The following TIAM2 variants were observed in gnomAD, a reference collection of about 807,000 sequenced individuals.
The protein encoded by TIAM2 is TIAM Rac1 associated GEF 2.
In TIAM2, 80 loss-of-function variants were observed where a neutral mutation model predicts 152.9. The observed-to-expected ratio is 0.52, with a 90% CI of 0.44 to 0.63. The LOEUF (loss-of-function observed/expected upper bound fraction) is 0.63, where lower values mean the gene tolerates loss of function less well. Among genes scored for constraint, TIAM2 ranks in the 30% least tolerant of loss-of-function variants. TIAM2 has a pLI of 0.00. For missense variants in TIAM2, 1,965 were observed against 2,120.1 expected, an observed-to-expected ratio of 0.93 and a Z score of 1.44; for synonymous variants, 804 against 838.0, an observed-to-expected ratio of 0.96 and a Z score of 0.70.
intron 7 of TIAM2, 109 bp from the exon 8 acceptor site, chr6:155,164,306 A>G: frequency 9.6e-7 from 1 of 1,040,164 alleles, no homozygotes; most frequent in Non-Finnish European, 1.4e-6. Flanking sequence ...AACCATGCAG[A>G]CCAGCCGAAA....
rs575933239 is a variant in TIAM2 at position 155,067,889 on chromosome 6, G to A, written c.-208-22400G>A. ...ACTCCTGGGGTCAAGTGATCCACCC[G>A]TCTCGGTCTCCCAAAGTGCTGGGAA... On this transcript the variant is annotated intron_variant, in intron 1 of 26. Coordinates refer to ENST00000682666, the MANE Select transcript of TIAM2 (RefSeq NM_012454.4). 2.6e-5 allele frequency among the ~76,000 whole-genome samples: 4 copies of A among 152,204 alleles called. 1 individual carries two copies. Among genetic ancestry groups the A allele is most frequent in the South Asian group, 4.1e-4 (2 of 4,820 alleles).
rs990141220 is a variant in TIAM2 at position 155,137,182 on chromosome 6, G to A, written c.1200G>A (p.Pro400=). Residue 400 remains proline (P), a synonymous_variant, in exon 5 of 27, where the codon CCG becomes CCA. Coordinates refer to ENST00000682666, the MANE Select transcript of TIAM2 (RefSeq NM_012454.4). ...ATCATGTGTGTTTCTCACAGGAGCC[G>A]AGGTCCAAGGAGGGCAGTGACTACT... The part of the protein sequence containing the change: ...LSRKKRKLQE[P]RSKEGSDYFD... 6.8e-6 allele frequency: 11 copies of A among 1,611,572 alleles called. No homozygotes were observed. Among genetic ancestry groups the A allele is most frequent in the Middle Eastern group, 1.7e-4 (1 of 6,042 alleles).
intron 6 of TIAM2, among the ~76,000 whole-genome samples, chr6:155,146,597 T>A (rs1262786055): frequency 2.7e-5 from 4 of 149,702 alleles, no homozygotes; most frequent in Non-Finnish European, 5.9e-5. Context: ...AATGTATCAT[T>A]ATTATTATTA....
chr6:155,229,212 C>A (rs1245069312), intron 15 of TIAM2, among the ~76,000 whole-genome samples: 1 of 152,178 alleles, frequency 6.6e-6, no homozygotes, highest in African/African-American at 2.4e-5. Context: ...TGCCTTTTAT[C>A]CCTACACCCA....
rs544733774 is a variant in TIAM2 at position 155,230,080 on chromosome 6, C to T, written c.3169-10450C>T. On this transcript the variant is annotated intron_variant, in intron 15 of 26. Transcript: ENST00000682666. ...TATCACCAGGTGACACCTGTACCACCGAGAGTACAAATCCACCACATAGCC... is the reference window on the plus strand; with the variant it reads ...TATCACCAGGTGACACCTGTACCACTGAGAGTACAAATCCACCACATAGCC... Among the ~76,000 whole-genome samples the T allele has an allele frequency of 8.5e-5, 13 of 152,144 alleles. No individual in the cohort carries two copies. The South Asian group carries it at 1.3e-3, about 15-fold the overall frequency.
chr6:155,087,714 A>T (rs1028462816), intron 1 of TIAM2, among the ~76,000 whole-genome samples: 1 of 152,034 alleles, frequency 6.6e-6, no homozygotes, highest in Non-Finnish European at 1.5e-5. Context: ...GCGCCATTAC[A>T]CTCCAGCCTG....
chr6:155,032,829 C>G (rs1326890634), intron 1 of TIAM2, among the ~76,000 whole-genome samples: 1 of 152,156 alleles, frequency 6.6e-6, no homozygotes, highest in Non-Finnish European at 1.5e-5. Context: ...GCCTGGGCCA[C>G]GACGCCTGGC....
chr6:155,029,317 T>C (rs190850119), intron 1 of TIAM2, among the ~76,000 whole-genome samples: 8 of 104,890 alleles, frequency 7.6e-5, no homozygotes, highest in African/African-American at 2.1e-4. Flanking sequence ...GTGTTATATA[T>C]ACTATATGTA....
At chr6:155,104,682 G>T (rs531395301) in intron 2 of TIAM2, among the ~76,000 whole-genome samples, 9 of 151,660 alleles carry the variant, frequency 5.9e-5, no homozygotes, top group African/African-American at 1.9e-4. Context: ...GCTTGAACCC[G>T]GGAGGCGGAG....
intron 6 of TIAM2, among the ~76,000 whole-genome samples, chr6:155,146,809 G>A (rs1423355287): frequency 7.1e-6 from 1 of 140,490 alleles, no homozygotes; most frequent in Non-Finnish European, 1.5e-5. Context: ...AGTAGAAACT[G>A]TGTTTCACTA....
chr6:155,236,293 C>T (rs142011852), intron 15 of TIAM2, among the ~76,000 whole-genome samples: 2,529 of 151,908 alleles, frequency 0.017, 29 homozygotes, highest in Non-Finnish European at 0.03. Context: ...AAGCAGAACG[C>T]GAGCTGTATG....
At chr6:155,062,540 A>G (rs113697314) in intron 1 of TIAM2, among the ~76,000 whole-genome samples, 1,722 of 151,538 alleles carry the variant, frequency 0.011, 40 homozygotes, top group African/African-American at 0.04. Context: ...GTAAGTGTAT[A>G]GTAATATCTC....
intron 1 of TIAM2, among the ~76,000 whole-genome samples, chr6:155,023,328 G>T (rs895644509): frequency 1.3e-5 from 2 of 152,158 alleles, no homozygotes; most frequent in African/African-American, 4.8e-5. Context: ...CCACGAGGGC[G>T]GTTGTTGATG....
intron 1 of TIAM2, among the ~76,000 whole-genome samples, chr6:155,076,567 CTG>C (rs1470872230): frequency 6.6e-6 from 1 of 152,138 alleles, no homozygotes; most frequent in African/African-American, 2.4e-5. Flanking sequence ...AATTTGTTAA[CTG>C]AGAGAGGTGG....
intron 5 of TIAM2, among the ~76,000 whole-genome samples, chr6:155,137,951 C>T (rs1449270675): frequency 1.3e-5 from 2 of 152,160 alleles, no homozygotes; most frequent in Admixed American, 6.5e-5. Flanking sequence ...ATTCTCGTGC[C>T]TCAGCCTCCT....
intron 1 of TIAM2, among the ~76,000 whole-genome samples, chr6:155,013,229 C>T (rs891288049): frequency 3.3e-5 from 5 of 152,012 alleles, no homozygotes; most frequent in Non-Finnish European, 1.5e-5. Context: ...AGTCTGTGCT[C>T]CTGCAGGTGT....
chr6:155,237,349 C>T (rs999166150), intron 15 of TIAM2, among the ~76,000 whole-genome samples: 2 of 152,248 alleles, frequency 1.3e-5, no homozygotes, highest in Non-Finnish European at 2.9e-5. Context: ...TAGCCTCCCT[C>T]CTGGCTGCCT....
chr6:155,073,910 C>T (rs1395762076), intron 1 of TIAM2, among the ~76,000 whole-genome samples: 1 of 152,096 alleles, frequency 6.6e-6, no homozygotes, highest in Non-Finnish European at 1.5e-5. Context: ...TTGGTAATCC[C>T]CACAAAATCC....
intron 5 of TIAM2, among the ~76,000 whole-genome samples, chr6:155,138,287 ATT>A (rs1426266481): frequency 2.0e-5 from 3 of 152,212 alleles, no homozygotes; most frequent in African/African-American, 7.2e-5. Context: ...CAGCTTCTGA[ATT>A]TCACATTCCG....
Sources: allele counts gnomAD v4.1 joint callset (sites outside exome capture counted in the v4.1 genomes callset), GRCh38; gene constraint gnomAD v4.1.1; transcripts MANE v1.5; gene names NCBI Gene and HGNC (gene_info 2026-07-23, HGNC 2026-07-21).